CACHD1: variants seen among roughly 807,000 people sequenced by gnomAD.
CACHD1 encodes the protein cache domain containing 1, also known as VWFA and cache domain-containing protein 1.
A neutral mutation model predicts 138.7 loss-of-function variants in CACHD1; 71 were observed. The ratio of observed to expected loss-of-function variants is 0.51; its 90% confidence interval spans 0.42 to 0.62. The LOEUF (loss-of-function observed/expected upper bound fraction) is 0.62, where lower values mean the gene tolerates loss of function less well. CACHD1 is among the 20% of genes least tolerant of loss of function. The probability of loss-of-function intolerance (pLI) is 0.00; values close to 1 mark genes in which losing one functional copy is unlikely to be tolerated. For missense variants in CACHD1, 1,389 were observed against 1,625.3 expected, an observed-to-expected ratio of 0.85 and a Z score of 2.50; for synonymous variants, 578 against 591.5, an observed-to-expected ratio of 0.98 and a Z score of 0.33.
At chr1:64,576,565 G>A (rs78361448) in intron 2 of CACHD1, among the ~76,000 whole-genome samples, 6,289 of 151,934 alleles carry the variant, frequency 0.041, 188 homozygotes, top group East Asian at 0.092. Flanking sequence ...CACATTCCTC[G>A]TCAGAAGCAC....
At chr1:64,664,298 T>C in intron 14 of CACHD1, 200 bp from the exon 15 acceptor site, 1 of 590,156 alleles carries the variant, frequency 1.7e-6, no homozygotes, top group Non-Finnish European at 3.0e-6. Context: ...AACAATTGAG[T>C]GATCACGCAT....
chr1:64,655,486 G>A (rs1214312562), intron 12 of CACHD1, among the ~76,000 whole-genome samples: 2 of 152,138 alleles, frequency 1.3e-5, no homozygotes, highest in African/African-American at 4.8e-5. Context: ...GAGGTTGGGA[G>A]TTTAAAAGGA....
At chr1:64,649,172 G>A (rs1649009620) in intron 9 of CACHD1, among the ~76,000 whole-genome samples, 1 of 152,048 alleles carries the variant, frequency 6.6e-6, no homozygotes, top group South Asian at 2.1e-4. Context: ...CTTTCTATAA[G>A]GAAGAAATAA....
At chr1:64,512,624 A>T (rs955277984) in intron 1 of CACHD1, among the ~76,000 whole-genome samples, 4 of 151,818 alleles carry the variant, frequency 2.6e-5, no homozygotes, top group Non-Finnish European at 5.9e-5. Context: ...CAACATTTCC[A>T]CTCTTCAAGT....
rs547203124 is a variant in CACHD1 at position 64,470,376 on chromosome 1, C to G, written c.-369C>G. Among the ~76,000 whole-genome samples, 1 of 151,654 alleles carries G rather than the reference C, an allele frequency of 6.6e-6. No individual in the cohort carries two copies. Among genetic ancestry groups the G allele is most frequent in the Non-Finnish European group, 1.5e-5 (1 of 67,862 alleles). ...GAAGCGAGAGCCGCGCGGCTCGGCT[C>G]GGGCTCCGACTCCGACTCCGATTCC... is the stretch of plus-strand genomic sequence containing the variant. On this transcript the variant is annotated 5_prime_UTR_variant, in exon 1 of 27. Transcript: ENST00000651257. This position sits in a 1 kb window ranked among gnomAD's most constrained non-coding sequence, Gnocchi z 5.2.
At chr1:64,610,566 T>C (rs1392981962) in intron 4 of CACHD1, among the ~76,000 whole-genome samples, 3 of 152,228 alleles carry the variant, frequency 2.0e-5, no homozygotes, top group Non-Finnish European at 4.4e-5. Context: ...CAAAATGATC[T>C]CCTTTGACTA....
At chr1:64,500,926 A>G (rs542273923) in intron 1 of CACHD1, among the ~76,000 whole-genome samples, 16 of 151,844 alleles carry the variant, frequency 1.1e-4, no homozygotes, top group Admixed American at 5.3e-4. Flanking sequence ...GCAAGTGCCT[A>G]TAATCCCAGG....
chr1:64,562,293 T>C (rs1182598720), intron 2 of CACHD1, among the ~76,000 whole-genome samples: 2 of 152,106 alleles, frequency 1.3e-5, no homozygotes, highest in Non-Finnish European at 2.9e-5. Flanking sequence ...ACAGGTATGC[T>C]AGATCTTTTG....
intron 1 of CACHD1, among the ~76,000 whole-genome samples, chr1:64,535,558 C>G (rs1403581866): frequency 1.3e-5 from 2 of 152,104 alleles, no homozygotes. Context: ...CTCCTGACCT[C>G]AGGTGATCCA....
chr1:64,639,966 T>C (rs1049895967), intron 7 of CACHD1, among the ~76,000 whole-genome samples: 5 of 152,238 alleles, frequency 3.3e-5, no homozygotes, highest in Non-Finnish European at 7.3e-5. Context: ...GCTTCCAAGC[T>C]CACTCACACT....
chr1:64,490,979 A>T (rs1345237188), intron 1 of CACHD1, among the ~76,000 whole-genome samples: 1 of 152,240 alleles, frequency 6.6e-6, no homozygotes, highest in Non-Finnish European at 1.5e-5. Context: ...TCATGTAAAA[A>T]TTAAAAGATA....
chr1:64,568,117 G>T (rs1179461041), intron 2 of CACHD1, among the ~76,000 whole-genome samples: 1 of 152,118 alleles, frequency 6.6e-6, no homozygotes, highest in Non-Finnish European at 1.5e-5. Flanking sequence ...AAGACAGTTG[G>T]TTATAATTTG....
At chr1:64,650,571 C>T (rs1394788059) in intron 9 of CACHD1, among the ~76,000 whole-genome samples, 1 of 152,168 alleles carries the variant, frequency 6.6e-6, no homozygotes, top group African/African-American at 2.4e-5. Context: ...CATGACTTTT[C>T]AGATGCTTTT....
At chr1:64,686,407 T>C (rs1037711662) in intron 26 of CACHD1, among the ~76,000 whole-genome samples, 4 of 152,238 alleles carry the variant, frequency 2.6e-5, no homozygotes, top group African/African-American at 9.6e-5. Flanking sequence ...CAACAGAATT[T>C]CGTTTTTCAA....
intron 13 of CACHD1, among the ~76,000 whole-genome samples, chr1:64,660,678 G>A (rs951609075): frequency 1.3e-5 from 2 of 151,852 alleles, no homozygotes; most frequent in African/African-American, 2.4e-5. Context: ...TTACAGTTGC[G>A]CACCACCACG....
intron 9 of CACHD1, among the ~76,000 whole-genome samples, chr1:64,651,089 ATTG>A (rs1012894136): frequency 1.6e-4 from 25 of 151,866 alleles, no homozygotes; most frequent in African/African-American, 3.1e-4. Flanking sequence ...TAATTATCCT[ATTG>A]TTGTTGTTGT....
rs1444140927 is a variant in CACHD1 at position 64,664,254 on chromosome 1, TTTC to T, written c.2095-238_2095-236del. ...TATATTAATGACTCGCTATAGGATT[TTTC>T]TTCTTAAACTCAGAAAGCCTAGGTA... On this transcript the variant is annotated intron_variant, in intron 14 of 26. Coordinates refer to ENST00000651257, the MANE Select transcript of CACHD1 (RefSeq NM_020925.4). 8 of 552,604 alleles carry T rather than the reference TTTC, an allele frequency of 1.4e-5. No homozygotes were observed. The Admixed American group carries it at 2.2e-4, about 15-fold the overall frequency. The allele number at this position is 552,604 out of a possible 1,614,324, so 34.2% of individuals were successfully genotyped here. A position where few individuals can be genotyped will look rare whatever the true frequency, so the allele number is the denominator to read the frequency against.
At chr1:64,635,383 T>TA (rs965319233) in intron 7 of CACHD1, among the ~76,000 whole-genome samples, 30 of 141,354 alleles carry the variant, frequency 2.1e-4, no homozygotes, top group African/African-American at 7.4e-4. Context: ...TAATTTAATT[T>TA]TTTTTTTTTT....
intron 14 of CACHD1, 67 bp from the exon 15 acceptor site, chr1:64,664,431 C>A: frequency 6.8e-7 from 1 of 1,479,910 alleles, no homozygotes; most frequent in Non-Finnish European, 9.3e-7. Context: ...GGGAACACTG[C>A]CAGCAGCCCA....
Sources: gnomAD v4.1 joint callset for allele counts (sites outside exome capture counted in the v4.1 genomes callset) on GRCh38, gnomAD v4.1.1 for gene constraint, Gnocchi (gnomAD v3.1) non-coding constraint, MANE v1.5 for transcripts, NCBI Gene and HGNC (gene_info 2026-07-23, HGNC 2026-07-21) for gene names.